Variants in DTNB observed in about 807,000 individuals in gnomAD.
DTNB encodes DTN-B.
DTNB carries 63 observed loss-of-function variants against 90.7 expected under a neutral mutation model. The ratio of observed to expected loss-of-function variants is 0.69; its 90% confidence interval spans 0.57 to 0.86. The LOEUF (loss-of-function observed/expected upper bound fraction) is 0.86, where lower values mean the gene tolerates loss of function less well. DTNB is among the 40% of genes least tolerant of loss of function. The pLI is 0.00. For synonymous variants in DTNB, 277 were observed against 286.7 expected (o/e 0.97, Z 0.34); for missense variants, 744 against 807.1 (o/e 0.92, Z 0.95).
intron 3 of DTNB, among the ~76,000 whole-genome samples, chr2:25,634,047 T>TA (rs974188972): frequency 2.6e-5 from 4 of 151,458 alleles, no homozygotes; most frequent in African/African-American, 9.7e-5. Flanking sequence ...TAGGAGCGTC[T>TA]ACGCCCGGCA....
chr2:25,527,262 G>A (rs1200333456), intron 9 of DTNB, among the ~76,000 whole-genome samples: 5 of 152,232 alleles, frequency 3.3e-5, no homozygotes, highest in South Asian at 2.1e-4. Flanking sequence ...GGTGGTTCAC[G>A]CCTGTAATCC....
intron 16 of DTNB, among the ~76,000 whole-genome samples, chr2:25,405,752 G>C (rs1184784502): frequency 6.6e-6 from 1 of 152,064 alleles, no homozygotes. Flanking sequence ...TTAAGAAAAT[G>C]CCTGCTGACT....
At chr2:25,485,839 G>A (rs1168438522) in intron 9 of DTNB, among the ~76,000 whole-genome samples, 1 of 151,970 alleles carries the variant, frequency 6.6e-6, no homozygotes, top group African/African-American at 2.4e-5. Context: ...AAATTAGCCT[G>A]CTGGCCAGGC....
At chr2:25,639,245 G>T in intron 2 of DTNB, 151 bp from the exon 3 acceptor site, 1 of 610,006 alleles carries the variant, frequency 1.6e-6, no homozygotes, top group East Asian at 2.9e-5. Flanking sequence ...AACAGAGGGA[G>T]AAAAGGATAG....
intron 10 of DTNB, among the ~76,000 whole-genome samples, chr2:25,456,982 T>C (rs1296688809): frequency 6.6e-6 from 1 of 152,148 alleles, no homozygotes; most frequent in Non-Finnish European, 1.5e-5. Flanking sequence ...TCCTGCTTTC[T>C]AGCACAATAA....
Position 25,567,310 on chromosome 2 carries a change from A to C in DTNB, c.876+9528T>G, listed in dbSNP as rs945158358. 7.9e-5 allele frequency among the ~76,000 whole-genome samples: 12 copies of C among 152,164 alleles called. No individual in the cohort carries two copies. In the East Asian group the frequency reaches 1.2e-3, roughly 15 times the overall value. On this transcript the variant is annotated intron_variant, in intron 8 of 20. Transcript: ENST00000406818. ...TTCATAATTCAAGAGATGTGAGGAGAGGGACACCAGTCACATGGAAATTGA... is the reference window on the plus strand; with the variant it reads ...TTCATAATTCAAGAGATGTGAGGAGCGGGACACCAGTCACATGGAAATTGA...
Position 25,620,535 on chromosome 2 carries a change from A to C in DTNB, c.362+7636T>G, listed in dbSNP as rs543115256. Among the ~76,000 whole-genome samples, 38 of 152,280 alleles carry C rather than the reference A, an allele frequency of 2.5e-4. No homozygotes were observed. The Middle Eastern group carries it at 0.034, about 136-fold the overall frequency. On this transcript the variant is annotated intron_variant, in intron 4 of 20. Transcript: ENST00000406818. Reference sequence around the variant, plus strand: ...AAATGAAAAGCACAAAAGAATAAACAAAAAAAATTTTCTGAAAGATTAGTT... The same window carrying C: ...AAATGAAAAGCACAAAAGAATAAACCAAAAAAATTTTCTGAAAGATTAGTT...
At chr2:25,653,669 G>A (rs2081496476) in intron 1 of DTNB, among the ~76,000 whole-genome samples, 1 of 151,660 alleles carries the variant, frequency 6.6e-6, no homozygotes, top group South Asian at 2.1e-4. Context: ...GCACCACCAC[G>A]CCTGGCTAAT....
chr2:25,399,147 C>T lies in DTNB; in HGVS notation c.1576-10786G>A, dbSNP rs566486132. Among the ~76,000 whole-genome samples the T allele has an allele frequency of 1.3e-5, 2 of 152,274 alleles. 1 individual carries two copies. Among genetic ancestry groups the T allele is most frequent in the South Asian group, 4.1e-4 (2 of 4,826 alleles). ...CACTGCAACCTCTGCCTCCTGGGTTCAAATGATTCTCCTGCCTCAGCCTCC... is the reference window on the plus strand; with the variant it reads ...CACTGCAACCTCTGCCTCCTGGGTTTAAATGATTCTCCTGCCTCAGCCTCC... On this transcript the variant is annotated intron_variant, in intron 16 of 20. Coordinates refer to ENST00000406818, the MANE Select transcript of DTNB (RefSeq NM_021907.5).
At chr2:25,555,614 C>G (rs938823232) in intron 8 of DTNB, among the ~76,000 whole-genome samples, 1 of 152,100 alleles carries the variant, frequency 6.6e-6, no homozygotes, top group East Asian at 1.9e-4. Context: ...TCTATTCTTA[C>G]AAAACTGAGA....
chr2:25,560,767 T>A (rs910816798), intron 8 of DTNB, among the ~76,000 whole-genome samples: 1 of 152,204 alleles, frequency 6.6e-6, no homozygotes, highest in African/African-American at 2.4e-5. Flanking sequence ...AGAATCCTAA[T>A]ACAAAGAGAT....
At chr2:25,572,332 T>C (rs942492757) in intron 8 of DTNB, among the ~76,000 whole-genome samples, 3 of 152,026 alleles carry the variant, frequency 2.0e-5, no homozygotes, top group Admixed American at 6.6e-5. Flanking sequence ...CCAGGCGTGG[T>C]GGTGGGCACC....
At chr2:25,594,367 C>T (rs1321919590) in intron 6 of DTNB, among the ~76,000 whole-genome samples, 1 of 152,202 alleles carries the variant, frequency 6.6e-6, no homozygotes, top group East Asian at 1.9e-4. Context: ...GCAAAGTGTG[C>T]ACAAATTTGG....
intron 16 of DTNB, among the ~76,000 whole-genome samples, chr2:25,400,082 G>A (rs925516527): frequency 2.6e-5 from 4 of 152,342 alleles, no homozygotes; most frequent in East Asian, 1.9e-4. Flanking sequence ...TGATGAGGAG[G>A]TGTAGGGAGC....
chr2:25,558,787 T>C (rs1182993183), intron 8 of DTNB, among the ~76,000 whole-genome samples: 2 of 152,182 alleles, frequency 1.3e-5, no homozygotes, highest in East Asian at 3.9e-4. Flanking sequence ...ATCTAAAACA[T>C]CCCAAGCAAC....
intron 5 of DTNB, among the ~76,000 whole-genome samples, chr2:25,598,012 C>G (rs1000353833): frequency 6.6e-6 from 1 of 152,234 alleles, no homozygotes; most frequent in African/African-American, 2.4e-5. Context: ...TCCTTAGTAA[C>G]AGAACACTAA....
intron 7 of DTNB, among the ~76,000 whole-genome samples, chr2:25,578,654 G>A (rs2061077811): frequency 1.3e-5 from 2 of 152,184 alleles, no homozygotes; most frequent in South Asian, 4.1e-4. Flanking sequence ...AAATTAACAA[G>A]TGTGTTGGGT....
At chr2:25,608,465 G>A (rs1224468756) in intron 4 of DTNB, among the ~76,000 whole-genome samples, 1 of 152,202 alleles carries the variant, frequency 6.6e-6, no homozygotes, top group Non-Finnish European at 1.5e-5. Flanking sequence ...AGGAATGACT[G>A]CAACTAGCTA....
At chr2:25,630,616 G>A (rs986904560) in intron 3 of DTNB, among the ~76,000 whole-genome samples, 6 of 151,998 alleles carry the variant, frequency 3.9e-5, no homozygotes, top group Non-Finnish European at 7.4e-5. Flanking sequence ...AGGCCGAGGC[G>A]GGTGGATCAC....
Sources: allele counts gnomAD v4.1 joint callset (sites outside exome capture counted in the v4.1 genomes callset), GRCh38; gene constraint gnomAD v4.1.1; transcripts MANE v1.5; gene names NCBI Gene and HGNC (gene_info 2026-07-23, HGNC 2026-07-21).